Variants in MYH16 observed in about 807,000 individuals in gnomAD.
MYH16 encodes myosin heavy chain 16, also known as putative uncharacterized protein MYH16.
At chr7:99,245,028 A>T (rs1352239670) in intron 2 of MYH16, among the ~76,000 whole-genome samples, 1 of 152,186 alleles carries the variant, frequency 6.6e-6, no homozygotes, top group Non-Finnish European at 1.5e-5. Flanking sequence ...TGCTCCCATG[A>T]TCCCAGCTGC....
intron 39 of MYH16, among the ~76,000 whole-genome samples, chr7:99,304,316 A>G (rs1271965727): frequency 6.6e-6 from 1 of 152,082 alleles, no homozygotes; most frequent in Non-Finnish European, 1.5e-5. Flanking sequence ...TCATGGAGAC[A>G]GCAGTCAGTA....
chr7:99,285,041 C>T, intron 26 of MYH16, 106 bp downstream of exon 8: 1 of 440,952 alleles, frequency 2.3e-6, no homozygotes, highest in South Asian at 1.6e-5. Flanking sequence ...AGGAGCAAGA[C>T]TGCCATAGAG....
At chr7:99,287,273 C>T (rs1272903679) in intron 28 of MYH16, among the ~76,000 whole-genome samples, 1 of 152,098 alleles carries the variant, frequency 6.6e-6, no homozygotes, top group Non-Finnish European at 1.5e-5. Flanking sequence ...TGGCTCACGC[C>T]TGTACTCCCA....
chr7:99,266,485 G>C (rs1177571504), intron 17 of MYH16, among the ~76,000 whole-genome samples: 2 of 152,110 alleles, frequency 1.3e-5, no homozygotes, highest in African/African-American at 2.4e-5. Context: ...TCCCCAGTTG[G>C]GGACTTGTGT....
chr7:99,267,107 C>G (rs1403696792), intron 18 of MYH16: 1 of 152,312 alleles, frequency 6.6e-6, no homozygotes, highest in Non-Finnish European at 1.5e-5. Flanking sequence ...CTGCTGAGAG[C>G]CTCAGTTTCC....
At chr7:99,250,202 T>G (rs1791793687) in intron 5 of MYH16, 1 of 152,350 alleles carries the variant, frequency 6.6e-6, no homozygotes, top group Non-Finnish European at 1.5e-5. Flanking sequence ...GACTGAGGCT[T>G]AGAGAGAAGT....
At chr7:99,265,721 T>C (rs1467938513) in intron 17 of MYH16, 1 of 152,942 alleles carries the variant, frequency 6.5e-6, no homozygotes, top group African/African-American at 2.4e-5. Flanking sequence ...AAGGCTCAGA[T>C]GCCCAGGAGT....
At chr7:99,277,923 G>C in intron 21 of MYH16, among the ~76,000 whole-genome samples, 1 of 130,616 alleles carries the variant, frequency 7.7e-6, no homozygotes. Flanking sequence ...GTGTGAGAGA[G>C]AGAGAGAGAG....
At chr7:99,289,714 G>A (rs897899110) in intron 30 of MYH16, among the ~76,000 whole-genome samples, 5 of 152,110 alleles carry the variant, frequency 3.3e-5, no homozygotes, top group African/African-American at 4.8e-5. Context: ...AATATAAAGC[G>A]AACATGTGTC....
chr7:99,296,203 C>A (rs1027690957), intron 33 of MYH16, among the ~76,000 whole-genome samples: 1 of 145,626 alleles, frequency 6.9e-6, no homozygotes. Context: ...TGCTACCCCA[C>A]GAAAGAAACA....
rs1792404426 is a variant in MYH16, at chr7:99,292,643, G to A, written n.4149+135G>A. 4 of 373,680 alleles carry A rather than the reference G, an allele frequency of 1.1e-5. No homozygotes were observed. In the East Asian group the frequency reaches 2.2e-4, roughly 21 times the overall value. 23.1% of individuals were successfully genotyped at this position (373,680 alleles called of 1,614,324 possible). The stretch of plus-strand genomic sequence containing the variant: ...ACGTTCACAGGCTGCTTTAAGAGGA[G>A]GACAATGTGTCTGGACAAAGGAGCC... On this transcript the variant is annotated intron_variant and non_coding_transcript_variant, in intron 32 of 41. Transcript: ENST00000439784.
At chr7:99,272,763 G>A (rs563675628) in intron 19 of MYH16, among the ~76,000 whole-genome samples, 76 bp from the exon 1 acceptor site, 1 of 151,812 alleles carries the variant, frequency 6.6e-6, no homozygotes, top group South Asian at 2.1e-4. Context: ...AAAAAAGGTA[G>A]GTCCATCCCA....
chr7:99,296,002 C>T (rs1177826978), intron 33 of MYH16, among the ~76,000 whole-genome samples: 5 of 151,574 alleles, frequency 3.3e-5, no homozygotes, highest in East Asian at 1.9e-4. Context: ...AGTAGCCGGA[C>T]GTGGTGGCGC....
Position 99,279,502 on chromosome 7 carries a change from C to T in MYH16, n.2660-8C>T. The T allele has an allele frequency of 2.2e-6, 1 of 456,482 alleles. No homozygotes were observed. The highest frequency in any genetic ancestry group is 1.5e-5 in the South Asian group (1 of 64,546). 28.3% of individuals were successfully genotyped at this position (456,482 alleles called of 1,614,324 possible). On this transcript the variant is annotated splice_polypyrimidine_tract_variant and splice_region_variant and intron_variant and non_coding_transcript_variant, in intron 21 of 41. Coordinates refer to ENST00000439784, the Ensembl canonical transcript of MYH16. ...CCTGTCCTCGACCGGGGCTCTTTCTCCCAACAGGAGCAAGAGAACCTGATG... is the reference window on the plus strand; with the variant it reads ...CCTGTCCTCGACCGGGGCTCTTTCTTCCAACAGGAGCAAGAGAACCTGATG...
intron 33 of MYH16, among the ~76,000 whole-genome samples, chr7:99,295,271 C>T (rs1242327175): frequency 2.0e-5 from 3 of 151,256 alleles, no homozygotes; most frequent in Admixed American, 6.6e-5. Flanking sequence ...CCCAGCTACT[C>T]GGGAGGCTGA....
intron 11 of MYH16, among the ~76,000 whole-genome samples, chr7:99,258,612 TG>T (rs1017912022): frequency 1.3e-5 from 2 of 152,088 alleles, no homozygotes; most frequent in African/African-American, 4.8e-5. Flanking sequence ...ACTTTAAGGA[TG>T]GGATGAGTGG....
At chr7:99,278,444 C>T (rs967989777) in intron 21 of MYH16, among the ~76,000 whole-genome samples, 1 of 152,180 alleles carries the variant, frequency 6.6e-6, no homozygotes, top group Admixed American at 6.5e-5. Flanking sequence ...GGAAACACAG[C>T]AAGAAAGAAT....
At chr7:99,255,909 G>A (rs1027260050) in intron 9 of MYH16, among the ~76,000 whole-genome samples, 4 of 152,082 alleles carry the variant, frequency 2.6e-5, no homozygotes, top group African/African-American at 4.8e-5. Context: ...GAATTCCATG[G>A]GGACTTCAGG....
intron 23 of MYH16, among the ~76,000 whole-genome samples, chr7:99,282,573 G>C (rs1428219681): frequency 6.6e-6 from 1 of 151,206 alleles, no homozygotes; most frequent in African/African-American, 2.4e-5. Context: ...CCCAGGCTCA[G>C]GTGATCCTCC....
Sources: allele counts gnomAD v4.1 joint callset (sites outside exome capture counted in the v4.1 genomes callset), GRCh38; gene constraint gnomAD v4.1.1; transcripts MANE v1.5; gene names NCBI Gene and HGNC (gene_info 2026-07-23, HGNC 2026-07-21).